TRABD2B: variants seen among roughly 807,000 people sequenced by gnomAD.
The protein encoded by TRABD2B is metalloprotease TIKI2.
A neutral mutation model predicts 40.1 loss-of-function variants in TRABD2B; 14 were observed. The ratio of observed to expected loss-of-function variants is 0.35; its 90% CI spans 0.23 to 0.55. The LOEUF is 0.55. Among genes scored for constraint, TRABD2B ranks in the 20% least tolerant of loss-of-function variants. The pLI is 0.90. For synonymous variants in TRABD2B, 263 were observed against 277.0 expected, an observed-to-expected ratio of 0.95 and a Z score of 0.50; for missense variants, 541 against 648.6, an observed-to-expected ratio of 0.83 and a Z score of 1.80.
rs1242121041 is a variant in TRABD2B, at chr1:47,947,661, C to T, written c.666+46373G>A. The stretch of plus-strand genomic sequence containing the variant: ...GTAAACAGCAAAGGATGGCCATGGC[C>T]CATAGAGTGAATAAAAGCCAAAACA... On this transcript the variant is annotated intron_variant, in intron 2 of 6. Transcript: ENST00000606738. 2.6e-5 allele frequency among the ~76,000 whole-genome samples: 4 copies of T among 151,982 alleles called. No individual in the cohort carries two copies. In the East Asian group the frequency reaches 7.7e-4, roughly 29 times the overall value.
chr1:47,960,944 C>T (rs1393260057), intron 2 of TRABD2B, among the ~76,000 whole-genome samples: 4 of 152,060 alleles, frequency 2.6e-5, no homozygotes, highest in South Asian at 4.2e-4. Flanking sequence ...AGGCATCACA[C>T]TACCTGACTT....
intron 2 of TRABD2B, among the ~76,000 whole-genome samples, chr1:47,989,430 T>TA (rs1645967742): frequency 6.6e-6 from 1 of 152,208 alleles, no homozygotes; most frequent in African/African-American, 2.4e-5. Context: ...TCCCAATAGT[T>TA]ACTCAGCACT....
intron 2 of TRABD2B, among the ~76,000 whole-genome samples, chr1:47,991,160 G>C (rs894791466): frequency 6.6e-6 from 1 of 152,004 alleles, no homozygotes; most frequent in Non-Finnish European, 1.5e-5. Flanking sequence ...ACAGAGTCAG[G>C]CTGACTGGCT....
intron 2 of TRABD2B, among the ~76,000 whole-genome samples, chr1:47,841,722 T>C (rs749914201): frequency 6.6e-6 from 1 of 152,036 alleles, no homozygotes; most frequent in Non-Finnish European, 1.5e-5. Flanking sequence ...GGGCAACCAG[T>C]TGAGCAGTCT....
intron 1 of TRABD2B, among the ~76,000 whole-genome samples, chr1:47,995,925 A>G (rs1646084537): frequency 6.6e-6 from 1 of 152,198 alleles, no homozygotes; most frequent in Non-Finnish European, 1.5e-5. Context: ...GCCAGACCCT[A>G]TGGTCTCCTG....
At position 47,765,065 on chromosome 1, in the gene TRABD2B, G is replaced by C. The variant is rs1316747531; in HGVS notation, c.*837C>G. 3 of 152,216 alleles carry C rather than the reference G, an allele frequency of 2.0e-5. No individual in the cohort carries two copies. The highest frequency in any genetic ancestry group is 4.4e-5 in the Non-Finnish European group (3 of 68,096). The allele number at this position is 152,216 out of a possible 1,614,324, so 9.4% of individuals were successfully genotyped here. ...GGCCCAGCTCAATCCATTTAGCCAG[G>C]ACTTCAACAGCCTCTCCTTTAACCC... On this transcript the variant is annotated 3_prime_UTR_variant, in exon 7 of 7. Coordinates refer to ENST00000606738, the MANE Select transcript of TRABD2B (RefSeq NM_001194986.2).
intron 2 of TRABD2B, among the ~76,000 whole-genome samples, chr1:47,946,528 GA>G (rs1379337563): frequency 1.3e-5 from 2 of 152,116 alleles, no homozygotes; most frequent in Non-Finnish European, 2.9e-5. Context: ...ACTGATTTAA[GA>G]AATTACATTG....
chr1:47,797,083 C>CA (rs1644759283), intron 3 of TRABD2B, among the ~76,000 whole-genome samples: 1 of 152,238 alleles, frequency 6.6e-6, no homozygotes. Context: ...TGAAGTCAGA[C>CA]AGCCAGGACA....
intron 2 of TRABD2B, among the ~76,000 whole-genome samples, chr1:47,851,177 T>A (rs1274524925): frequency 1.6e-4 from 25 of 152,302 alleles, no homozygotes; most frequent in Non-Finnish European, 2.9e-5. Flanking sequence ...GAGGACTGAC[T>A]GGTGACAGGC....
intron 2 of TRABD2B, among the ~76,000 whole-genome samples, chr1:47,967,205 C>A (rs1032214595): frequency 6.6e-6 from 1 of 152,080 alleles, no homozygotes; most frequent in Non-Finnish European, 1.5e-5. Flanking sequence ...CTCCTGGAAG[C>A]TTTTATTCAC....
intron 2 of TRABD2B, among the ~76,000 whole-genome samples, chr1:47,925,239 T>A (rs76204303): frequency 2.0e-5 from 3 of 152,200 alleles, no homozygotes; most frequent in Admixed American, 1.3e-4. Context: ...TTCATGAGGA[T>A]CTTATAGAAA....
Position 47,842,154 on chromosome 1 carries a change from G to A in TRABD2B, c.667-40535C>T, listed in dbSNP as rs77510602. On this transcript the variant is annotated intron_variant, in intron 2 of 6. Transcript: ENST00000606738. ...AGACAAAAGGTTTGTAGAAAGTGCC[G>A]GGCACAATGTAGCTCTTTGATTTTA... 4.4e-3 allele frequency among the ~76,000 whole-genome samples: 674 copies of A among 152,272 alleles called. 7 individuals are homozygous for A. The highest frequency in any genetic ancestry group is 0.016 in the African/African-American group (662 of 41,554).
chr1:47,808,201 T>C (rs140430614), intron 2 of TRABD2B, among the ~76,000 whole-genome samples: 2 of 152,344 alleles, frequency 1.3e-5, no homozygotes, highest in Non-Finnish European at 2.9e-5. Flanking sequence ...GCTTTTGGAC[T>C]TGAACTGCAG....
intron 2 of TRABD2B, among the ~76,000 whole-genome samples, chr1:47,932,796 T>C (rs1398538364): frequency 6.6e-6 from 1 of 152,208 alleles, no homozygotes; most frequent in African/African-American, 2.4e-5. Context: ...CTTCCTCATC[T>C]GAACATGGGG....
intron 2 of TRABD2B, among the ~76,000 whole-genome samples, chr1:47,901,655 A>G (rs1644601827): frequency 6.6e-6 from 1 of 152,236 alleles, no homozygotes; most frequent in Admixed American, 6.5e-5. Flanking sequence ...CAACAGGTAC[A>G]TAAGAAGTAA....
Position 47,996,951 on chromosome 1 carries a change from G to A in TRABD2B, c.-162C>T. 1 of 1,116,034 alleles carries A rather than the reference G, an allele frequency of 9.0e-7. No homozygotes were observed. The highest frequency in any genetic ancestry group is 1.1e-6 in the Non-Finnish European group (1 of 914,924). The allele number at this position is 1,116,034 out of a possible 1,614,324, so 69.1% of individuals were successfully genotyped here. On this transcript the variant is annotated 5_prime_UTR_variant, in exon 1 of 7. Transcript: ENST00000606738. This position sits in a 1 kb window ranked among gnomAD's most constrained non-coding sequence, Gnocchi z 4.6. ...TGGCTGACTGTCCCTGTCGGACCTG[G>A]GGGTTTCTCTGGGGCCGGGCTCCGT...
chr1:47,901,631 T>C (rs970362738), intron 2 of TRABD2B, among the ~76,000 whole-genome samples: 20 of 152,178 alleles, frequency 1.3e-4, no homozygotes, highest in Admixed American at 1.3e-3. Context: ...AAGGAGTTCA[T>C]GGTCTAATGG....
intron 2 of TRABD2B, among the ~76,000 whole-genome samples, chr1:47,875,634 C>G (rs1185943421): frequency 1.6e-5 from 2 of 124,866 alleles, no homozygotes; most frequent in Non-Finnish European, 3.1e-5. Context: ...TTGCAGTGAA[C>G]CATGATCGTG....
chr1:47,793,748 G>A (rs556290542), intron 4 of TRABD2B, among the ~76,000 whole-genome samples: 11 of 152,350 alleles, frequency 7.2e-5, no homozygotes, highest in East Asian at 1.9e-4. Flanking sequence ...TGGTCCCAGT[G>A]TAAACATAGT....
Sources: allele counts gnomAD v4.1 joint callset (sites outside exome capture counted in the v4.1 genomes callset), GRCh38; gene constraint gnomAD v4.1.1; non-coding constraint Gnocchi (gnomAD v3.1); transcripts MANE v1.5; gene names NCBI Gene and HGNC (gene_info 2026-07-23, HGNC 2026-07-21).